Variants in SPATS2 observed in about 807,000 individuals in gnomAD.
The protein encoded by SPATS2 is spermatogenesis-associated serine-rich protein 2.
A neutral mutation model predicts 63.7 loss-of-function variants in SPATS2; 38 were observed. That is an observed-to-expected ratio of 0.60 (90% CI 0.46 to 0.78). SPATS2 has a LOEUF of 0.78. SPATS2 is among the 30% of genes least tolerant of loss of function. The pLI, the probability that SPATS2 is intolerant of heterozygous loss-of-function variation, is 0.00. For synonymous variants in SPATS2, 207 were observed against 232.9 expected (o/e 0.89, Z 1.01); for missense variants, 588 against 666.2 (o/e 0.88, Z 1.29).
chr12:49,489,258 A>C (rs1042935609), intron 4 of SPATS2, among the ~76,000 whole-genome samples: 1 of 152,230 alleles, frequency 6.6e-6, no homozygotes, highest in African/African-American at 2.4e-5. Context: ...CTGCATTTCT[A>C]AGTTTTGAAA....
chr12:49,432,254 A>T (rs1489504888), intron 2 of SPATS2, among the ~76,000 whole-genome samples: 2 of 152,170 alleles, frequency 1.3e-5, no homozygotes, highest in Admixed American at 6.5e-5. Flanking sequence ...CAGGTGGATC[A>T]TGGGTTCAGG....
chr12:49,416,154 G>C (rs1014252237), intron 2 of SPATS2, among the ~76,000 whole-genome samples: 1 of 151,792 alleles, frequency 6.6e-6, no homozygotes, highest in Non-Finnish European at 1.5e-5. Flanking sequence ...ATCTTTTATG[G>C]TTCTGATGTT....
chr12:49,398,074 C>G (rs1407740325), intron 2 of SPATS2, among the ~76,000 whole-genome samples: 1 of 124,598 alleles, frequency 8.0e-6, no homozygotes. Flanking sequence ...CCAGGAGGTG[C>G]AGATTGCAGT....
intron 4 of SPATS2, among the ~76,000 whole-genome samples, chr12:49,485,204 C>G (rs979311028): frequency 2.0e-5 from 3 of 150,840 alleles, no homozygotes; most frequent in Non-Finnish European, 4.4e-5. Context: ...GTAGCTGGGA[C>G]TACAGGCGCC....
At position 49,484,559 on chromosome 12, in the gene SPATS2, T is replaced by C. The variant is rs753464681; in HGVS notation, c.26-31T>C. 4 of 1,600,290 alleles carry C rather than the reference T, an allele frequency of 2.5e-6. No individual in the cohort carries two copies. The Admixed American group carries it at 5.0e-5, about 20-fold the overall frequency. On this transcript the variant is annotated intron_variant, in intron 3 of 13. Coordinates refer to ENST00000552918, the MANE Select transcript of SPATS2 (RefSeq NM_023071.4). ...TTAGGGATGGATTATATTTGGATCA[T>C]GTTGAATATATTTTTCCCTTATTCT...
At chr12:49,402,949 C>T (rs558357955) in intron 2 of SPATS2, among the ~76,000 whole-genome samples, 52 of 152,166 alleles carry the variant, frequency 3.4e-4, no homozygotes, top group Admixed American at 1.2e-3. Context: ...AGTGAAGGGA[C>T]CATTCAGACA....
intron 2 of SPATS2, among the ~76,000 whole-genome samples, chr12:49,382,290 A>C (rs1944235775): frequency 6.6e-6 from 1 of 152,220 alleles, no homozygotes; most frequent in Admixed American, 6.5e-5. Flanking sequence ...TGCACTTAAA[A>C]ATTTTTAAAG....
intron 2 of SPATS2, among the ~76,000 whole-genome samples, chr12:49,385,870 TTTTG>T (rs1439753906): frequency 6.9e-6 from 1 of 145,794 alleles, no homozygotes; most frequent in Non-Finnish European, 1.5e-5. Flanking sequence ...TTTGTTTGTT[TTTTG>T]TTTTTTTTTT....
chr12:49,438,620 C>G (rs2137537642), intron 2 of SPATS2, among the ~76,000 whole-genome samples: 1 of 152,238 alleles, frequency 6.6e-6, no homozygotes, highest in Non-Finnish European at 1.5e-5. Context: ...AAAATTTTAG[C>G]CTTTCCTGTG....
chr12:49,430,849 G>A (rs1197931134), intron 2 of SPATS2, among the ~76,000 whole-genome samples: 1 of 152,000 alleles, frequency 6.6e-6, no homozygotes, highest in African/African-American at 2.4e-5. Context: ...ACAGGCATGT[G>A]CCACCACACC....
chr12:49,464,158 A>T (rs753794835), intron 3 of SPATS2, among the ~76,000 whole-genome samples: 47 of 152,172 alleles, frequency 3.1e-4, no homozygotes, highest in Non-Finnish European at 2.9e-4. Context: ...GTATAATTTG[A>T]TTATTTTTAG....
rs753347854 is a variant in SPATS2 at position 49,522,767 on chromosome 12, G to A, written c.1025G>A (p.Arg342His). The A allele has an allele frequency of 3.1e-6, 5 of 1,613,422 alleles. No individual in the cohort carries two copies. Among genetic ancestry groups the A allele is most frequent in the Middle Eastern group, 1.6e-4 (1 of 6,082 alleles). The stretch of plus-strand genomic sequence containing the variant: ...TTTCTCCAGCACTTTGTTAGTGAAC[G>A]TAAATATGATGAGGATCTGGGACGA... ...RADIKHFVSE[R>H]KYDEDLGRVA... is the part of the protein sequence containing the mutation. Residue 342 changes from arginine (R) to histidine (H), a missense_variant, in exon 12 of 14, where the codon CGT becomes CAT. Physicochemically the swap from Arg to His is conservative, Grantham distance 29. Coordinates refer to ENST00000552918, the MANE Select transcript of SPATS2 (RefSeq NM_023071.4).
chr12:49,484,670 G>T lies in SPATS2; in HGVS notation c.105+1G>T, dbSNP rs774712477. On this transcript the variant is annotated splice_donor_variant, in intron 4 of 13. Coordinates refer to ENST00000552918, the MANE Select transcript of SPATS2 (RefSeq NM_023071.4). LOFTEE classifies it high-confidence loss of function. ...AGCTTTTGAGAACATGAAAGAGAAG[G>T]TAAGACTAGTCACTATGGATAGTAA... 24 of 1,613,608 alleles carry T rather than the reference G, an allele frequency of 1.5e-5. No individual in the cohort carries two copies.
intron 3 of SPATS2, among the ~76,000 whole-genome samples, chr12:49,467,530 T>C (rs1475728924): frequency 6.6e-6 from 1 of 152,176 alleles, no homozygotes; most frequent in East Asian, 1.9e-4. Flanking sequence ...AGACAGACTC[T>C]AGAGATTAGG....
intron 2 of SPATS2, among the ~76,000 whole-genome samples, chr12:49,385,863 G>GTTT (rs141110578): frequency 0.16 from 19,865 of 125,898 alleles, 3,173 homozygotes; most frequent in African/African-American, 0.46. Context: ...TTGTTTGTTT[G>GTTT]TTTGTTTTTT....
chr12:49,506,554 G>A lies in SPATS2; in HGVS notation c.839+6349G>A, dbSNP rs143323397. ...CCTGGCCCCACCCTTGACACTTGGCGATTATTACAGTTGAAGGTGAGATTT... is the reference window on the plus strand; with the variant it reads ...CCTGGCCCCACCCTTGACACTTGGCAATTATTACAGTTGAAGGTGAGATTT... On this transcript the variant is annotated intron_variant, in intron 9 of 13. Transcript: ENST00000552918. 4.8e-4 allele frequency among the ~76,000 whole-genome samples: 73 copies of A among 152,254 alleles called. No homozygotes were observed. The South Asian group carries it at 0.012, about 26-fold the overall frequency.
At chr12:49,429,867 G>A (rs1193957287) in intron 2 of SPATS2, among the ~76,000 whole-genome samples, 1 of 147,794 alleles carries the variant, frequency 6.8e-6, no homozygotes, top group Non-Finnish European at 1.5e-5. Flanking sequence ...TGCAACCTCC[G>A]CCTCCTGGGT....
intron 2 of SPATS2, among the ~76,000 whole-genome samples, chr12:49,435,795 C>T (rs890923473): frequency 2.0e-4 from 30 of 151,140 alleles, no homozygotes; most frequent in East Asian, 1.9e-4. Flanking sequence ...TGCGGCCTTC[C>T]GCAGTGTTTG....
intron 2 of SPATS2, among the ~76,000 whole-genome samples, chr12:49,452,288 T>C (rs1303806350): frequency 6.6e-6 from 1 of 152,164 alleles, no homozygotes; most frequent in Non-Finnish European, 1.5e-5. Flanking sequence ...TTTTAAAAAA[T>C]TTTTACTTTT....
Sources: allele counts gnomAD v4.1 joint callset (sites outside exome capture counted in the v4.1 genomes callset), GRCh38; gene constraint gnomAD v4.1.1; transcripts MANE v1.5; gene names NCBI Gene and HGNC (gene_info 2026-07-23, HGNC 2026-07-21).